ELMO1: variants seen among roughly 807,000 people sequenced by gnomAD.
ELMO1 encodes the protein engulfment and cell motility protein 1.
Under a neutral mutation model 98.9 loss-of-function variants are expected in ELMO1, and 26 were observed. The ratio of observed to expected loss-of-function variants is 0.26; its 90% CI spans 0.19 to 0.36. The LOEUF (loss-of-function observed/expected upper bound fraction) is 0.36, where lower values mean the gene tolerates loss of function less well. Ranked by LOEUF, ELMO1 falls within the 10% of genes least tolerant of loss-of-function variation. The probability of loss-of-function intolerance (pLI) is 1.00; values close to 1 mark genes in which losing one functional copy is unlikely to be tolerated. For missense variants in ELMO1, 627 were observed against 935.2 expected, an observed-to-expected ratio of 0.67 and a Z score of 4.30; for synonymous variants, 346 against 346.0, an observed-to-expected ratio of 1.00 and a Z score of 0.00.
intron 15 of ELMO1, among the ~76,000 whole-genome samples, chr7:37,051,645 A>G (rs1796116858): frequency 6.6e-6 from 1 of 151,916 alleles, no homozygotes; most frequent in African/African-American, 2.4e-5. Context: ...TACTAACTAC[A>G]TAATTGGGTG....
At chr7:37,012,229 C>T (rs537326585) in intron 16 of ELMO1, among the ~76,000 whole-genome samples, 3 of 152,208 alleles carry the variant, frequency 2.0e-5, no homozygotes, top group South Asian at 2.1e-4. Flanking sequence ...TCTTTCTTTT[C>T]AATTGGTGTT....
At chr7:37,082,719 T>TCAAACAAA (rs34913326) in intron 15 of ELMO1, among the ~76,000 whole-genome samples, 1,820 of 151,192 alleles carry the variant, frequency 0.012, 12 homozygotes, top group Middle Eastern at 0.02. Flanking sequence ...TGACCCTGTC[T>TCAAACAAA]CAAACAAACA....
At position 37,133,112 on chromosome 7, in the gene ELMO1, A is replaced by C; in HGVS notation, c.1191+18T>G. The C allele has an allele frequency of 3.1e-6, 5 of 1,591,826 alleles. No individual in the cohort carries two copies. Among genetic ancestry groups the C allele is most frequent in the Non-Finnish European group, 3.4e-6 (4 of 1,165,378 alleles). ...GAGTAGGAAACACACAATATCTGAA[A>C]AGGGGCTTCTTGCTTACCCGGATGT... On this transcript the variant is annotated intron_variant, in intron 14 of 21. Transcript: ENST00000310758.
At chr7:37,125,677 G>C (rs1259622697) in intron 14 of ELMO1, among the ~76,000 whole-genome samples, 8 of 152,204 alleles carry the variant, frequency 5.3e-5, no homozygotes, top group Admixed American at 5.2e-4. Flanking sequence ...GGAGAAACAG[G>C]AACACTTTTA....
chr7:37,053,329 C>G (rs1796217925), intron 15 of ELMO1, among the ~76,000 whole-genome samples: 1 of 147,480 alleles, frequency 6.8e-6, no homozygotes, highest in African/African-American at 2.5e-5. Flanking sequence ...CACACACACA[C>G]ACAGAAAACA....
In ELMO1 at chr7:37,368,191, AG is replaced by A. The variant is rs570551508; in HGVS notation, c.-73-25429del. Among the ~76,000 whole-genome samples, 484 of 152,330 alleles carry A rather than the reference AG, an allele frequency of 3.2e-3. 4 individuals are homozygous for A. The highest frequency in any genetic ancestry group is 5.0e-3 in the Non-Finnish European group (343 of 68,022). Reference sequence around the variant, plus strand: ...AAATCTCATTCTAAACATTTTAAGAAGGGGGGTGGCAAATTTTTCATTATTC... The same window carrying A: ...AAATCTCATTCTAAACATTTTAAGAAGGGGGTGGCAAATTTTTCATTATTC... On this transcript the variant is annotated intron_variant, in intron 1 of 21. Coordinates refer to ENST00000310758, the MANE Select transcript of ELMO1 (RefSeq NM_014800.11).
chr7:36,975,844 T>TAAA (rs1790489370), intron 16 of ELMO1, among the ~76,000 whole-genome samples: 4 of 98,168 alleles, frequency 4.1e-5, no homozygotes, highest in Admixed American at 1.1e-4. Flanking sequence ...GACACTTGCC[T>TAAA]GAAAAAAAAA....
intron 16 of ELMO1, among the ~76,000 whole-genome samples, chr7:36,934,043 G>A (rs1786286176): frequency 6.6e-6 from 1 of 152,220 alleles, no homozygotes; most frequent in Admixed American, 6.5e-5. Flanking sequence ...AGCTTTGGGT[G>A]GCTTCTGGGG....
chr7:37,320,605 T>A (rs6947058), intron 2 of ELMO1, among the ~76,000 whole-genome samples: 7 of 151,912 alleles, frequency 4.6e-5, no homozygotes, highest in Admixed American at 3.9e-4. Flanking sequence ...CTCTGTGTAC[T>A]TAGCACATTA....
chr7:37,090,061 T>C (rs1412208630), intron 15 of ELMO1, among the ~76,000 whole-genome samples: 2 of 152,204 alleles, frequency 1.3e-5, no homozygotes, highest in Non-Finnish European at 2.9e-5. Flanking sequence ...CCGGAAGAGA[T>C]GGCCTCTTGT....
At chr7:37,221,026 A>G (rs1048988804) in intron 10 of ELMO1, among the ~76,000 whole-genome samples, 5 of 152,148 alleles carry the variant, frequency 3.3e-5, no homozygotes, top group Non-Finnish European at 5.9e-5. Context: ...TGAGTTCGGT[A>G]TTTAGACTAA....
chr7:36,965,831 C>G (rs1340500253), intron 16 of ELMO1, among the ~76,000 whole-genome samples: 2 of 152,190 alleles, frequency 1.3e-5, no homozygotes, highest in Non-Finnish European at 1.5e-5. Flanking sequence ...TCACATCCGC[C>G]TGTATGATGT....
At chr7:37,051,830 C>T (rs1311389963) in intron 15 of ELMO1, among the ~76,000 whole-genome samples, 2 of 152,092 alleles carry the variant, frequency 1.3e-5, no homozygotes, top group Admixed American at 6.5e-5. Context: ...GCTGCTCTGC[C>T]CCAAATGTGG....
intron 18 of ELMO1, among the ~76,000 whole-genome samples, chr7:36,883,110 A>G (rs1804624545): frequency 6.6e-6 from 1 of 152,188 alleles, no homozygotes; most frequent in South Asian, 2.1e-4. Flanking sequence ...AGAGCAACGT[A>G]AGATATACCA....
intron 16 of ELMO1, among the ~76,000 whole-genome samples, chr7:36,906,313 C>A (rs559399933): frequency 6.6e-6 from 1 of 152,350 alleles, no homozygotes; most frequent in Admixed American, 6.5e-5. Flanking sequence ...TATGTTTTCA[C>A]CCTTTTAGCA....
intron 15 of ELMO1, among the ~76,000 whole-genome samples, chr7:37,070,229 C>G (rs949675310): frequency 6.6e-5 from 10 of 152,196 alleles, no homozygotes; most frequent in African/African-American, 1.9e-4. Flanking sequence ...TTCCTGGCAC[C>G]ATTGGATGGC....
In ELMO1 at chr7:37,439,958, C is replaced by T. The variant is rs77143387; in HGVS notation, c.-74+8717G>A. 3.9e-5 allele frequency among the ~76,000 whole-genome samples: 6 copies of T among 152,090 alleles called. No individual in the cohort carries two copies. The East Asian group carries it at 1.2e-3, about 29-fold the overall frequency. ...TAATTGTTTCTTTGCTTCTAAAGGC[C>T]TTTCATTATTAGAGCTGCATGGGTG... On this transcript the variant is annotated intron_variant, in intron 1 of 21. Coordinates refer to ENST00000310758, the MANE Select transcript of ELMO1 (RefSeq NM_014800.11).
chr7:36,954,291 A>G (rs932196408), intron 16 of ELMO1, among the ~76,000 whole-genome samples: 37 of 152,370 alleles, frequency 2.4e-4, no homozygotes, highest in South Asian at 2.1e-4. Context: ...TCACAGAACC[A>G]GAAGTATCAG....
intron 16 of ELMO1, among the ~76,000 whole-genome samples, chr7:36,960,276 T>C (rs901268529): frequency 1.3e-5 from 2 of 152,222 alleles, no homozygotes; most frequent in Non-Finnish European, 2.9e-5. Flanking sequence ...GACTCAGTTA[T>C]GGAAACTTCA....
Sources: gnomAD v4.1 joint callset for allele counts (sites outside exome capture counted in the v4.1 genomes callset) on GRCh38, gnomAD v4.1.1 for gene constraint, MANE v1.5 for transcripts, NCBI Gene and HGNC (gene_info 2026-07-23, HGNC 2026-07-21) for gene names.